Variants in GFRA2 observed in about 807,000 individuals in gnomAD.
GFRA2 encodes GDNF family receptor alpha 2, also known as GDNF family receptor alpha-2.
In GFRA2, 17 loss-of-function variants were observed where a neutral mutation model predicts 48.3. That is an observed-to-expected ratio of 0.35 (90% CI 0.24 to 0.53). GFRA2 has a LOEUF of 0.53. GFRA2 is among the 20% of genes least tolerant of loss of function. GFRA2 has a pLI of 0.93. For missense variants in GFRA2, 660 were observed against 637.3 expected (o/e 1.04, Z -0.38); for synonymous variants, 305 against 257.2 (o/e 1.19, Z -1.78).
chr8:21,792,153 A>C (rs1167452857), upstream of GFRA2, among the ~76,000 whole-genome samples: 1 of 152,112 alleles, frequency 6.6e-6, no homozygotes, highest in Non-Finnish European at 1.5e-5. Context: ...CTGCTTATGG[A>C]GTGGGTTCTC....
At chr8:21,795,395 T>TA (rs1417721080) in intron 2 of GFRA2, among the ~76,000 whole-genome samples, 6,827 of 151,170 alleles carry the variant, frequency 0.045, 208 homozygotes, top group Middle Eastern at 0.082. Flanking sequence ...TTTTTATTTA[T>TA]TTATTTTTTT....
At chr8:21,720,289 A>T (rs903029710) in intron 4 of GFRA2, among the ~76,000 whole-genome samples, 5 of 152,202 alleles carry the variant, frequency 3.3e-5, no homozygotes, top group African/African-American at 1.2e-4. Context: ...CCAGGCACCA[A>T]ATCCCCTGGG....
intron 4 of GFRA2, among the ~76,000 whole-genome samples, chr8:21,717,905 T>C (rs1286508726): frequency 6.6e-6 from 1 of 152,202 alleles, no homozygotes; most frequent in Non-Finnish European, 1.5e-5. Context: ...AGAACCCCTC[T>C]ACCTAGACCC....
intron 4 of GFRA2, among the ~76,000 whole-genome samples, chr8:21,725,823 T>A (rs975796515): frequency 3.9e-5 from 6 of 152,298 alleles, no homozygotes; most frequent in Non-Finnish European, 7.3e-5. Flanking sequence ...GGCATGCACA[T>A]GTTGGGGCTG....
intron 2 of GFRA2, chr8:21,779,831 T>A (rs1275462069): frequency 2.6e-5 from 4 of 152,156 alleles, no homozygotes; most frequent in African/African-American, 9.7e-5. Flanking sequence ...TCCCCCTCTA[T>A]CTGGCTTCGC....
chr8:21,810,845 G>A (rs1585357397), intron 1 of GFRA2, among the ~76,000 whole-genome samples: 1 of 152,262 alleles, frequency 6.6e-6, no homozygotes, highest in Non-Finnish European at 1.5e-5. Flanking sequence ...GGCTGCAGAG[G>A]AGCCCCCAGC....
At chr8:21,776,830 C>G (rs1295030987) in intron 2 of GFRA2, among the ~76,000 whole-genome samples, 2 of 152,098 alleles carry the variant, frequency 1.3e-5, no homozygotes, top group African/African-American at 2.4e-5. Context: ...CTTTGGGCCC[C>G]TGTCCAGCCT....
intron 4 of GFRA2, among the ~76,000 whole-genome samples, chr8:21,737,097 G>A (rs1210754862): frequency 2.0e-5 from 3 of 152,152 alleles, no homozygotes; most frequent in Admixed American, 2.0e-4. Flanking sequence ...CTGCCCCTCT[G>A]AGAGTGGGGA....
chr8:21,729,406 C>T (rs559847243), intron 4 of GFRA2, among the ~76,000 whole-genome samples: 2 of 152,254 alleles, frequency 1.3e-5, no homozygotes, highest in Non-Finnish European at 2.9e-5. Context: ...GCTGCCCCTC[C>T]CCTCCAGGCC....
At chr8:21,728,529 C>T (rs959907698) in intron 4 of GFRA2, among the ~76,000 whole-genome samples, 2 of 152,058 alleles carry the variant, frequency 1.3e-5, no homozygotes, top group Admixed American at 1.3e-4. Flanking sequence ...CCCGCCTTGG[C>T]CTCCCAAACT....
chr8:21,735,454 C>A (rs1057322980), intron 4 of GFRA2, among the ~76,000 whole-genome samples: 2 of 152,028 alleles, frequency 1.3e-5, no homozygotes, highest in Non-Finnish European at 2.9e-5. Flanking sequence ...CCTTCGCACA[C>A]ACACAGGAGA....
At chr8:21,737,342 C>A (rs191094680) in intron 4 of GFRA2, among the ~76,000 whole-genome samples, 2 of 151,942 alleles carry the variant, frequency 1.3e-5, no homozygotes, top group Non-Finnish European at 2.9e-5. Context: ...GCAGTCCAGC[C>A]TGGACGACAG....
upstream of GFRA2, chr8:21,790,003 TG>T (rs1288319698): frequency 8.0e-6 from 7 of 873,586 alleles, no homozygotes; most frequent in African/African-American, 7.3e-5. Flanking sequence ...GCTCCGGGGT[TG>T]GGGGGTTCCT....
intron 6 of GFRA2, among the ~76,000 whole-genome samples, chr8:21,704,379 T>C (rs1212278033): frequency 6.6e-6 from 1 of 152,206 alleles, no homozygotes; most frequent in East Asian, 1.9e-4. Flanking sequence ...CCTCTCAGTC[T>C]ACCTCCGTCA....
At chr8:21,771,002 C>T (rs2117690907) in intron 3 of GFRA2, among the ~76,000 whole-genome samples, 1 of 152,314 alleles carries the variant, frequency 6.6e-6, no homozygotes, top group African/African-American at 2.4e-5. Flanking sequence ...TCAACCCCTG[C>T]ATCCAACTAA....
intron 2 of GFRA2, among the ~76,000 whole-genome samples, chr8:21,801,862 C>T (rs1005114278): frequency 1.6e-4 from 25 of 152,324 alleles, no homozygotes; most frequent in African/African-American, 5.3e-4. Context: ...CCATCCAGCA[C>T]GCCCCTTGGA....
chr8:21,786,133 C>T (rs1029161807), intron 1 of GFRA2, among the ~76,000 whole-genome samples: 5 of 152,238 alleles, frequency 3.3e-5, no homozygotes, highest in Admixed American at 1.3e-4. Flanking sequence ...CTCTCACCCC[C>T]GCCTCTCAAC....
At chr8:21,724,305 G>A (rs1001959918) in intron 4 of GFRA2, among the ~76,000 whole-genome samples, 1 of 152,128 alleles carries the variant, frequency 6.6e-6, no homozygotes, top group Non-Finnish European at 1.5e-5. Context: ...GTCCTTACAG[G>A]CAGACTTTCA....
chr8:21,788,180 T>C lies in GFRA2; in HGVS notation c.-21A>G. The C allele has an allele frequency of 6.2e-7, 1 of 1,601,696 alleles. No homozygotes were observed. The highest frequency in any genetic ancestry group is 8.5e-7 in the Non-Finnish European group (1 of 1,174,496). On this transcript the variant is annotated 5_prime_UTR_variant, in exon 1 of 9. Coordinates refer to ENST00000524240, the MANE Select transcript of GFRA2 (RefSeq NM_001495.5). ...ATCATGTTAAATAAATCCCACCGTT[T>C]TTTTGTCTTTCTCCCTTGGGTAAAA...
Sources: allele counts gnomAD v4.1 joint callset (sites outside exome capture counted in the v4.1 genomes callset), GRCh38; gene constraint gnomAD v4.1.1; transcripts MANE v1.5; gene names NCBI Gene and HGNC (gene_info 2026-07-23, HGNC 2026-07-21).